Variants in TBCK observed in about 807,000 individuals in gnomAD.
TBCK encodes the protein TBC1 domain containing kinase.
In TBCK, 99 loss-of-function variants were observed where a neutral mutation model predicts 113.4. That is an observed-to-expected ratio of 0.87 (90% CI 0.74 to 1.03). The LOEUF (loss-of-function observed/expected upper bound fraction) is 1.03. Ranked by LOEUF, TBCK falls within the 50% of genes least tolerant of loss-of-function variation. TBCK has a pLI of 0.00. For missense variants in TBCK, 1,045 were observed against 1,061.3 expected (o/e 0.98, Z 0.21); for synonymous variants, 369 against 370.8 (o/e 1.00, Z 0.05).
At chr4:106,047,492 A>G (rs1021470774) in intron 25 of TBCK, among the ~76,000 whole-genome samples, 1 of 152,036 alleles carries the variant, frequency 6.6e-6, no homozygotes, top group Admixed American at 6.6e-5. Context: ...GCGCCTCCTC[A>G]ATAGTAACCC....
intron 7 of TBCK, 34 bp from the exon 8 acceptor site, chr4:106,249,016 AT>A: frequency 6.7e-7 from 1 of 1,487,018 alleles, no homozygotes; most frequent in Non-Finnish European, 9.2e-7. Flanking sequence ...AATAAATGCT[AT>A]TTTTCTAATC....
intron 22 of TBCK, among the ~76,000 whole-genome samples, chr4:106,176,662 G>A (rs1234914402): frequency 6.6e-6 from 1 of 151,890 alleles, no homozygotes; most frequent in East Asian, 1.9e-4. Context: ...ACATCTCTGC[G>A]ATATCCTGAT....
chr4:106,183,468 CTG>C (rs1197894665), intron 22 of TBCK, among the ~76,000 whole-genome samples: 2 of 152,030 alleles, frequency 1.3e-5, no homozygotes, highest in Non-Finnish European at 2.9e-5. Context: ...CCTCACATAT[CTG>C]TGTTATCCTT....
intron 25 of TBCK, among the ~76,000 whole-genome samples, chr4:106,066,778 T>C (rs1736693270): frequency 6.6e-6 from 1 of 152,092 alleles, no homozygotes; most frequent in Non-Finnish European, 1.5e-5. Flanking sequence ...TTATACAATA[T>C]TTGTCCTTTT....
At chr4:106,215,519 A>G (rs962805524) in intron 19 of TBCK, among the ~76,000 whole-genome samples, 3 of 152,312 alleles carry the variant, frequency 2.0e-5, no homozygotes, top group South Asian at 4.1e-4. Context: ...GGATGGAGGA[A>G]GATCTACCAA....
intron 3 of TBCK, among the ~76,000 whole-genome samples, chr4:106,287,957 G>A (rs534504573): frequency 6.6e-6 from 1 of 152,080 alleles, no homozygotes; most frequent in African/African-American, 2.4e-5. Context: ...GAGGTAACTT[G>A]TTAAGCAATA....
At chr4:106,214,167 A>G (rs1756552221) in intron 19 of TBCK, among the ~76,000 whole-genome samples, 1 of 152,192 alleles carries the variant, frequency 6.6e-6, no homozygotes, top group African/African-American at 2.4e-5. Flanking sequence ...CCTGTCTGTT[A>G]GAAGGAAAAC....
chr4:106,067,323 C>T (rs539820787), intron 25 of TBCK, among the ~76,000 whole-genome samples: 7 of 151,988 alleles, frequency 4.6e-5, no homozygotes, highest in Non-Finnish European at 8.8e-5. Context: ...TTCTTAATAT[C>T]GTTGTCTGTT....
chr4:106,257,158 G>A (rs1389370932), intron 5 of TBCK, among the ~76,000 whole-genome samples: 4 of 152,128 alleles, frequency 2.6e-5, no homozygotes, highest in Non-Finnish European at 4.4e-5. Context: ...TTGAATCCCA[G>A]TGCCTAGAAA....
rs570279241 is a variant in TBCK, at chr4:106,237,008, A to C, written c.1171-200T>G. ...ACTGATTACGGTTTGGCTGTGAAAA[A>C]CAACTATTTTTTTCTTATCTATAGG... is the stretch of plus-strand genomic sequence containing the variant. On this transcript the variant is annotated intron_variant, in intron 12 of 25. Coordinates refer to ENST00000394708, the MANE Select transcript of TBCK (RefSeq NM_001163435.3). Among the ~76,000 whole-genome samples the C allele has an allele frequency of 5.0e-4, 76 of 152,100 alleles. 1 individual carries two copies. The highest frequency in any genetic ancestry group is 2.4e-4 in the Non-Finnish European group (16 of 67,934).
At chr4:106,228,433 C>CT (rs960939528) in intron 19 of TBCK, among the ~76,000 whole-genome samples, 6 of 151,616 alleles carry the variant, frequency 4.0e-5, no homozygotes, top group African/African-American at 1.5e-4. Flanking sequence ...ATTCTACTCT[C>CT]TATCTCCATG....
At chr4:106,312,136 G>A (rs910688477) in intron 1 of TBCK, among the ~76,000 whole-genome samples, 6 of 151,800 alleles carry the variant, frequency 4.0e-5, no homozygotes, top group African/African-American at 1.2e-4. Flanking sequence ...ATAAAAATTC[G>A]AGTTAAAGGG....
At position 106,279,623 on chromosome 4, in the gene TBCK, C is replaced by A. The variant is rs1448351787; in HGVS notation, c.266+15471G>T. On this transcript the variant is annotated intron_variant, in intron 3 of 25. Transcript: ENST00000394708. ...CCCACAGCCCCACTACCCTTTCCAG[C>A]CTCTGGTAACCATCCTCTCTATCTC... 7.3e-4 allele frequency among the ~76,000 whole-genome samples: 111 copies of A among 152,094 alleles called. 2 individuals carry two copies. The highest frequency in any genetic ancestry group is 7.4e-5 in the Non-Finnish European group (5 of 67,988).
chr4:106,092,962 G>C (rs896659564), intron 25 of TBCK, among the ~76,000 whole-genome samples: 3 of 152,194 alleles, frequency 2.0e-5, no homozygotes, highest in African/African-American at 7.2e-5. Flanking sequence ...CTCACCACCA[G>C]GCCAGCCTCC....
chr4:106,144,549 G>A (rs962751307), intron 23 of TBCK, among the ~76,000 whole-genome samples: 1 of 152,166 alleles, frequency 6.6e-6, no homozygotes, highest in Non-Finnish European at 1.5e-5. Context: ...CTGGCACATG[G>A]TAGGTGTACA....
At position 106,141,663 on chromosome 4, in the gene TBCK, A is replaced by C. The variant is rs553871621; in HGVS notation, c.2236-25285T>G. Among the ~76,000 whole-genome samples the C allele has an allele frequency of 6.4e-5, 9 of 141,052 alleles. 1 individual carries two copies. The South Asian group carries it at 1.9e-3, about 30-fold the overall frequency. The allele number at this position is 141,052 out of a possible 152,430, so 92.5% of individuals were successfully genotyped here. On this transcript the variant is annotated intron_variant, in intron 23 of 25. Coordinates refer to ENST00000394708, the MANE Select transcript of TBCK (RefSeq NM_001163435.3). ...CCAATAATAACAACAAAAGGCTAAA[A>C]TATCTAGTAATAACCCTGAAAAGAA...
chr4:106,305,707 TAGG>T (rs1767445939), intron 2 of TBCK, among the ~76,000 whole-genome samples: 2 of 152,122 alleles, frequency 1.3e-5, no homozygotes, highest in African/African-American at 4.8e-5. Flanking sequence ...CAGGATGAGA[TAGG>T]AGGTCAGCAC....
chr4:106,165,836 G>A (rs545946985), intron 23 of TBCK, among the ~76,000 whole-genome samples: 1 of 151,602 alleles, frequency 6.6e-6, no homozygotes, highest in Non-Finnish European at 1.5e-5. Flanking sequence ...GAAGAAAAAG[G>A]AACAGGCTTG....
intron 19 of TBCK, among the ~76,000 whole-genome samples, chr4:106,215,923 G>C (rs1360147916): frequency 6.7e-6 from 1 of 149,854 alleles, no homozygotes; most frequent in Non-Finnish European, 1.5e-5. Context: ...ATTTTTTTCA[G>C]CACCACACCA....
Sources: gnomAD v4.1 joint callset for allele counts (sites outside exome capture counted in the v4.1 genomes callset) on GRCh38, gnomAD v4.1.1 for gene constraint, MANE v1.5 for transcripts, NCBI Gene and HGNC (gene_info 2026-07-23, HGNC 2026-07-21) for gene names.